The following OTUD7A variants were observed in gnomAD, a reference collection of about 807,000 sequenced individuals.
OTUD7A encodes the protein OTU deubiquitinase 7A.
In OTUD7A, 12 loss-of-function variants were observed where a neutral mutation model predicts 65.7. The ratio of observed to expected loss-of-function variants is 0.18; its 90% CI spans 0.12 to 0.30. The LOEUF (loss-of-function observed/expected upper bound fraction) is 0.30, where lower values mean the gene tolerates loss of function less well. OTUD7A is among the 10% of genes least tolerant of loss of function. The pLI, the probability that OTUD7A is intolerant of heterozygous loss-of-function variation, is 1.00. For missense variants in OTUD7A, 1,148 were observed against 1,304.8 expected (o/e 0.88, Z 1.85); for synonymous variants, 641 against 586.3 (o/e 1.09, Z -1.35).
At chr15:31,526,314 A>G in intron 8 of OTUD7A, 35 bp downstream of exon 8, 1 of 1,540,074 alleles carries the variant, frequency 6.5e-7, no homozygotes, top group East Asian at 2.4e-5. Flanking sequence ...CTGGAGCTGG[A>G]GGTGACTTCT....
chr15:31,546,134 C>T (rs1160969501), intron 5 of OTUD7A, among the ~76,000 whole-genome samples: 1 of 152,126 alleles, frequency 6.6e-6, no homozygotes, highest in Non-Finnish European at 1.5e-5. Context: ...CTACAAGGAA[C>T]TCGAACATCT....
intron 1 of OTUD7A, among the ~76,000 whole-genome samples, chr15:31,673,795 C>T (rs962545262): frequency 6.6e-6 from 1 of 152,214 alleles, no homozygotes; most frequent in African/African-American, 2.4e-5. Context: ...TCCTGGCCTG[C>T]CATTGTCATT....
chr15:31,583,313 C>T (rs1889429332), intron 3 of OTUD7A, among the ~76,000 whole-genome samples: 1 of 152,194 alleles, frequency 6.6e-6, no homozygotes, highest in South Asian at 2.1e-4. Context: ...TGCACAGATG[C>T]ATGGCAGAGG....
At chr15:31,672,529 C>A (rs4420496) in intron 1 of OTUD7A, among the ~76,000 whole-genome samples, 8,488 of 152,014 alleles carry the variant, frequency 0.056, 800 homozygotes, top group African/African-American at 0.19. Context: ...GTTAACTCTC[C>A]TACAGGCAAC....
At chr15:31,491,130 T>TA (rs201247315) in intron 10 of OTUD7A, among the ~76,000 whole-genome samples, 29,741 of 144,516 alleles carry the variant, frequency 0.21, 3,644 homozygotes, top group African/African-American at 0.36. Flanking sequence ...AAAGGAAAGA[T>TA]AAAAAAAAAA....
intron 1 of OTUD7A, among the ~76,000 whole-genome samples, chr15:31,807,732 T>C (rs1340225575): frequency 1.3e-5 from 2 of 152,050 alleles, no homozygotes; most frequent in African/African-American, 2.4e-5. Context: ...ATTAGTATGC[T>C]ATATTTGATT....
At chr15:31,660,259 T>C (rs1352358553) in intron 1 of OTUD7A, among the ~76,000 whole-genome samples, 1 of 152,188 alleles carries the variant, frequency 6.6e-6, no homozygotes, top group Non-Finnish European at 1.5e-5. Flanking sequence ...TGGGCTCCCG[T>C]GGTGAAATGA....
At chr15:31,701,583 CA>C (rs1282415103) in intron 1 of OTUD7A, among the ~76,000 whole-genome samples, 4 of 151,114 alleles carry the variant, frequency 2.6e-5, no homozygotes, top group African/African-American at 7.3e-5. Context: ...TTGAGAAGCC[CA>C]AACTACCTTA....
chr15:31,607,119 A>C (rs1403604199), intron 3 of OTUD7A, among the ~76,000 whole-genome samples: 2 of 152,254 alleles, frequency 1.3e-5, no homozygotes, highest in Non-Finnish European at 2.9e-5. Context: ...GAGAACTAGG[A>C]GAGGATTAGA....
At chr15:31,856,104 A>G (rs1383978658) in intron 1 of OTUD7A, among the ~76,000 whole-genome samples, 2 of 152,254 alleles carry the variant, frequency 1.3e-5, no homozygotes, top group Admixed American at 1.3e-4. Context: ...TAAGACATGT[A>G]ACTTAAATTC....
At chr15:31,516,020 A>C (rs938758264) in intron 8 of OTUD7A, among the ~76,000 whole-genome samples, 2 of 152,090 alleles carry the variant, frequency 1.3e-5, no homozygotes, top group Non-Finnish European at 2.9e-5. Context: ...TCAACCATCT[A>C]TCTGCCCAAG....
chr15:31,647,558 T>C (rs1891712878), intron 3 of OTUD7A, among the ~76,000 whole-genome samples: 1 of 152,234 alleles, frequency 6.6e-6, no homozygotes, highest in South Asian at 2.1e-4. Flanking sequence ...GATCCTATTT[T>C]TTTTAAGTGA....
At chr15:31,776,954 A>T (rs928264765) in intron 1 of OTUD7A, among the ~76,000 whole-genome samples, 5 of 152,114 alleles carry the variant, frequency 3.3e-5, no homozygotes, top group South Asian at 4.1e-4. Context: ...ATAATAATAA[A>T]AAAATGCTAA....
intron 3 of OTUD7A, among the ~76,000 whole-genome samples, chr15:31,629,607 T>C (rs756294227): frequency 5.7e-4 from 87 of 152,330 alleles, no homozygotes; most frequent in Non-Finnish European, 8.4e-4. Context: ...GCTGGCCTCA[T>C]AAAATGAGTT....
At chr15:31,697,729 A>G (rs1328330069) in intron 1 of OTUD7A, among the ~76,000 whole-genome samples, 1 of 152,228 alleles carries the variant, frequency 6.6e-6, no homozygotes, top group Non-Finnish European at 1.5e-5. Flanking sequence ...ACACCTGCTT[A>G]AAGACCACCT....
At chr15:31,814,216 G>T (rs1896493002) in intron 1 of OTUD7A, among the ~76,000 whole-genome samples, 1 of 152,256 alleles carries the variant, frequency 6.6e-6, no homozygotes, top group Non-Finnish European at 1.5e-5. Flanking sequence ...ACTGGCATCG[G>T]CCATGCAAGG....
At position 31,491,130 on chromosome 15, in the gene OTUD7A, TA is replaced by T. The variant is rs201247315; in HGVS notation, c.1172-3565del. On this transcript the variant is annotated intron_variant, in intron 10 of 12. Coordinates refer to ENST00000307050, the MANE Select transcript of OTUD7A (RefSeq NM_001382637.1). ...AAAACCTATGAGGCGAAAGGAAAGA[TA>T]AAAAAAAAAACCCAACACATTGATA... 1.1e-3 allele frequency among the ~76,000 whole-genome samples: 160 copies of T among 144,542 alleles called. 1 individual carries two copies. The South Asian group carries it at 0.023, about 21-fold the overall frequency. The allele number at this position is 144,542 out of a possible 152,430, so 94.8% of individuals were successfully genotyped here.
rs187853034 is a variant in OTUD7A at position 31,703,320 on chromosome 15, T to C, written c.-99-46243A>G. ...ACCAGCTACTGACTGGGAGAAAATA[T>C]TTGCAAACCATGTATCTGACAAAGG... On this transcript the variant is annotated intron_variant, in intron 1 of 12. Coordinates refer to ENST00000307050, the MANE Select transcript of OTUD7A (RefSeq NM_001382637.1). Among the ~76,000 whole-genome samples the C allele has an allele frequency of 1.2e-4, 19 of 152,290 alleles. No individual in the cohort carries two copies. In the East Asian group the frequency reaches 3.1e-3, roughly 25 times the overall value.
At chr15:31,630,056 T>G (rs1389319385) in intron 3 of OTUD7A, among the ~76,000 whole-genome samples, 1 of 149,514 alleles carries the variant, frequency 6.7e-6, no homozygotes, top group Non-Finnish European at 1.5e-5. Context: ...CTGGATTCAT[T>G]AATTTTTTGA....
Sources: allele counts gnomAD v4.1 joint callset (sites outside exome capture counted in the v4.1 genomes callset), GRCh38; gene constraint gnomAD v4.1.1; transcripts MANE v1.5; gene names NCBI Gene and HGNC (gene_info 2026-07-23, HGNC 2026-07-21).